SMYD5: variants seen among roughly 807,000 people sequenced by gnomAD.
SMYD5 encodes SMYD family member 5, also known as protein-lysine N-trimethyltransferase SMYD5.
Under a neutral mutation model 57.4 loss-of-function variants are expected in SMYD5, and 35 were observed. That is an observed-to-expected ratio of 0.61 (90% CI 0.47 to 0.81). SMYD5 has a LOEUF of 0.81. Among genes scored for constraint, SMYD5 ranks in the 30% least tolerant of loss-of-function variants. SMYD5 has a pLI of 0.00. For synonymous variants in SMYD5, 198 were observed against 189.7 expected (o/e 1.04, Z -0.36); for missense variants, 471 against 527.9 (o/e 0.89, Z 1.06).
At chr2:73,214,944 A>G (rs1686265192) in intron 1 of SMYD5, 1 of 538,436 alleles carries the variant, frequency 1.9e-6, no homozygotes, top group Non-Finnish European at 2.4e-6. Context: ...GAAAGAAAAT[A>G]CAAAAATCAC....
chr2:73,220,747 C>T lies in SMYD5; in HGVS notation c.432C>T (p.Pro144=), dbSNP rs748979436. 1 of 1,614,040 alleles carries T rather than the reference C, an allele frequency of 6.2e-7. No individual in the cohort carries two copies. The highest frequency in any genetic ancestry group is 1.1e-5 in the South Asian group (1 of 91,086). ...GCCCAGGCCCCTCCCAGGATGACCC[C>T]TTGCATCCTCTCAATAAGCTTCAGG... ...VLCPGPSQDD[P]LHPLNKLQEA... Residue 144 remains proline, a synonymous_variant, in exon 4 of 13, where the codon CCC becomes CCT. Coordinates refer to ENST00000389501, the MANE Select transcript of SMYD5 (RefSeq NM_006062.3).
intron 1 of SMYD5, among the ~76,000 whole-genome samples, chr2:73,216,466 G>A (rs72905334): frequency 0.072 from 10,915 of 151,986 alleles, 869 homozygotes; most frequent in African/African-American, 0.2. Context: ...CGAGAGGGGC[G>A]GATCACTTGA....
At chr2:73,224,497 A>T (rs1029997494) in intron 10 of SMYD5, among the ~76,000 whole-genome samples, 2 of 152,090 alleles carry the variant, frequency 1.3e-5, no homozygotes, top group Non-Finnish European at 2.9e-5. Context: ...TACCCTCCCA[A>T]ACTGGATTCT....
chr2:73,225,310 G>A, intron 11 of SMYD5: 2 of 503,690 alleles, frequency 4.0e-6, no homozygotes, highest in South Asian at 2.7e-5. Flanking sequence ...CACAGTGCCT[G>A]GTTGAATCTT....
chr2:73,216,417 G>A lies in SMYD5; in HGVS notation c.96+2055G>A, dbSNP rs140983370. 6.3e-4 allele frequency among the ~76,000 whole-genome samples: 96 copies of A among 152,226 alleles called. No individual in the cohort carries two copies. In the East Asian group the frequency reaches 0.017, roughly 26 times the overall value. ...TAAAAATACAAAAATTAGGCCTGGC[G>A]TGGTGGCTCACACCTGTAATCCCAG... On this transcript the variant is annotated intron_variant, in intron 1 of 12. Coordinates refer to ENST00000389501, the MANE Select transcript of SMYD5 (RefSeq NM_006062.3).
chr2:73,214,601 AG>A, intron 1 of SMYD5: 1 of 1,506,068 alleles, frequency 6.6e-7, no homozygotes, highest in South Asian at 1.2e-5. Context: ...GAATTCGGCC[AG>A]CCCGCGGGAG....
intron 1 of SMYD5, among the ~76,000 whole-genome samples, chr2:73,216,027 CTA>C (rs1004621997): frequency 2.6e-4 from 40 of 152,074 alleles, no homozygotes; most frequent in Admixed American, 2.1e-3. Context: ...GGTCATGAAA[CTA>C]TATAGACCAG....
chr2:73,220,925 C>G (rs1173080533), intron 4 of SMYD5, 143 bp downstream of exon 4: 7 of 982,358 alleles, frequency 7.1e-6, no homozygotes, highest in Non-Finnish European at 1.0e-5. Context: ...GTCACATAAC[C>G]CTATCCCCTG....
chr2:73,222,617 C>T (rs185090041), intron 6 of SMYD5, 138 bp from the exon 7 acceptor site: 26 of 690,640 alleles, frequency 3.8e-5, no homozygotes, highest in Admixed American at 1.3e-4. Flanking sequence ...GACTCTGTGG[C>T]CTTCCTTTGC....
intron 1 of SMYD5, 110 bp downstream of exon 1, chr2:73,214,472 A>ACGGCCCTGCCCCTGCTCG: frequency 6.4e-7 from 1 of 1,556,406 alleles, no homozygotes; most frequent in South Asian, 1.2e-5. Flanking sequence ...CTCGGACGCT[A>ACGGCCCTGCCCCTGCTCG]CGGCCCTGCC....
intron 3 of SMYD5, among the ~76,000 whole-genome samples, 188 bp from the exon 4 acceptor site, chr2:73,220,473 G>C (rs1389694857): frequency 6.6e-6 from 1 of 152,138 alleles, no homozygotes; most frequent in Non-Finnish European, 1.5e-5. Flanking sequence ...TACCTGAAAA[G>C]TTCTCTTCCC....
chr2:73,217,868 A>G (rs919861994), intron 1 of SMYD5, among the ~76,000 whole-genome samples: 1 of 152,222 alleles, frequency 6.6e-6, no homozygotes, highest in Non-Finnish European at 1.5e-5. Context: ...TTCTGAAGCC[A>G]TCTGCTGAGT....
rs1012225112 is a variant in SMYD5 at position 73,226,324 on chromosome 2, G to A, written c.*378G>A. On this transcript the variant is annotated 3_prime_UTR_variant, in exon 13 of 13. Coordinates refer to ENST00000389501, the MANE Select transcript of SMYD5 (RefSeq NM_006062.3). The stretch of plus-strand genomic sequence containing the variant: ...GAGGCTTCTCCCCTCTCAACTTGCT[G>A]TTGATTTCTTTTGAGGGGTAAAAGA... The A allele has an allele frequency of 4.8e-6, 1 of 207,052 alleles. No homozygotes were observed. Among genetic ancestry groups the A allele is most frequent in the East Asian group, 1.1e-4 (1 of 9,158 alleles). 12.8% of individuals were successfully genotyped at this position (207,052 alleles called of 1,614,324 possible).
chr2:73,221,203 T>C lies in SMYD5; in HGVS notation c.506T>C (p.Leu169Ser), dbSNP rs773527114. 6.2e-7 allele frequency: 1 copy of C among 1,614,066 alleles called. No individual in the cohort carries two copies. The highest frequency in any genetic ancestry group is 8.5e-7 in the Non-Finnish European group (1 of 1,179,978). The change falls in exon 5 of 13, where the codon TTG becomes TCG. Residue 169 changes from leucine (L) to serine (S), a missense_variant. Coordinates refer to ENST00000389501, the MANE Select transcript of SMYD5 (RefSeq NM_006062.3). The stretch of plus-strand genomic sequence containing the variant: ...CCACCTGAGACTGCAAGCATCATGT[T>C]GATGGCTAGGATGGTGGCCACAGTG... Reference protein sequence around the residue: ...HYPPETASIMLMARMVATVKQ... With the variant: ...HYPPETASIMSMARMVATVKQ...
chr2:73,224,038 C>T (rs374441163), intron 10 of SMYD5, 35 bp downstream of exon 10: 28 of 1,603,302 alleles, frequency 1.7e-5, no homozygotes, highest in African/African-American at 5.4e-5. Context: ...TGGTCCCAGG[C>T]GCTTCTGCCT....
At chr2:73,218,328 G>A (rs1280106112) in intron 1 of SMYD5, among the ~76,000 whole-genome samples, 1 of 152,206 alleles carries the variant, frequency 6.6e-6, no homozygotes, top group Admixed American at 6.5e-5. Context: ...AGGACTTGTT[G>A]GATGCCAGGC....
At chr2:73,222,672 C>A in intron 6 of SMYD5, 83 bp from the exon 7 acceptor site, 1 of 1,184,112 alleles carries the variant, frequency 8.4e-7, no homozygotes, top group Non-Finnish European at 1.2e-6. Flanking sequence ...TTTTCCTTCC[C>A]TCCCCTAGTC....
intron 7 of SMYD5, 89 bp from the exon 8 acceptor site, chr2:73,222,947 G>T: frequency 6.7e-7 from 1 of 1,490,436 alleles, no homozygotes; most frequent in South Asian, 1.1e-5. Context: ...AGATGAGCCT[G>T]ACTCACAGAA....
intron 11 of SMYD5, chr2:73,225,416 C>T (rs1686481146): frequency 1.6e-6 from 1 of 638,396 alleles, no homozygotes; most frequent in Non-Finnish European, 2.8e-6. Context: ...CAACCAGTCT[C>T]CTCTGTCTCA....
Sources: gnomAD v4.1 joint callset for allele counts (sites outside exome capture counted in the v4.1 genomes callset) on GRCh38, gnomAD v4.1.1 for gene constraint, MANE v1.5 for transcripts, NCBI Gene and HGNC (gene_info 2026-07-23, HGNC 2026-07-21) for gene names.